The following LUC7L2 variants were observed in gnomAD, a reference collection of about 807,000 sequenced individuals.
LUC7L2 encodes LUC7 like 2, pre-mRNA splicing factor, also known as putative RNA-binding protein Luc7-like 2.
LUC7L2 carries 25 observed loss-of-function variants against 52.8 expected under a neutral mutation model. The observed-to-expected ratio is 0.47, with a 90% CI of 0.34 to 0.66. The LOEUF (loss-of-function observed/expected upper bound fraction) is 0.66. Ranked by LOEUF, LUC7L2 falls within the 30% of genes least tolerant of loss-of-function variation. The pLI, the probability that LUC7L2 is intolerant of heterozygous loss-of-function variation, is 0.01. For missense variants in LUC7L2, 328 were observed against 497.8 expected, an observed-to-expected ratio of 0.66 and a Z score of 3.25; for synonymous variants, 144 against 160.9, an observed-to-expected ratio of 0.89 and a Z score of 0.80.
At chr7:139,394,811 A>G (rs1437856517) in intron 2 of LUC7L2, among the ~76,000 whole-genome samples, 1 of 152,230 alleles carries the variant, frequency 6.6e-6, no homozygotes, top group Non-Finnish European at 1.5e-5. Context: ...AAGCAATATT[A>G]GACTAGGAAT....
At position 139,409,618 on chromosome 7, in the gene LUC7L2, AAG is replaced by A. The variant is rs368249579; in HGVS notation, c.757_758del (p.Glu253ArgfsTer34). On this transcript the variant is annotated frameshift_variant, in exon 7 of 10. Coordinates refer to ENST00000354926, the MANE Select transcript of LUC7L2 (RefSeq NM_016019.5). LOFTEE classifies it high-confidence loss of function. Reference sequence around the variant, plus strand: ...AACCAGGAACGGCTGAAACGAAGAGAAGAGAGAGAGAGAGAAGAAAGGGAGAA... The same window carrying A: ...AACCAGGAACGGCTGAAACGAAGAGAAGAGAGAGAGAGAAGAAAGGGAGAA... 13,600 of 1,389,116 alleles carry A rather than the reference AAG, an allele frequency of 9.8e-3. No homozygotes were observed. The highest frequency in any genetic ancestry group is 0.024 in the South Asian group (1,773 of 74,180). The allele number at this position is 1,389,116 out of a possible 1,614,324, so 86.0% of individuals were successfully genotyped here.
chr7:139,386,598 C>CG (rs1794206434), intron 2 of LUC7L2, among the ~76,000 whole-genome samples: 1 of 117,088 alleles, frequency 8.5e-6, no homozygotes, highest in South Asian at 2.4e-4. Context: ...TTAGTAGAGA[C>CG]GGGGTTACCG....
intron 1 of LUC7L2, among the ~76,000 whole-genome samples, chr7:139,354,815 C>T (rs889240574): frequency 6.9e-6 from 1 of 145,448 alleles, no homozygotes; most frequent in African/African-American, 2.8e-5. Context: ...AAATTCAATC[C>T]CAAAAGTGAA....
At chr7:139,407,447 T>C in intron 6 of LUC7L2, 97 bp downstream of exon 6, 2 of 1,361,970 alleles carry the variant, frequency 1.5e-6, no homozygotes, top group Non-Finnish European at 1.9e-6. Flanking sequence ...TTCAGTAATA[T>C]AGTATCTAAT....
At position 139,377,289 on chromosome 7, in the gene LUC7L2, C is replaced by T. The variant is rs544374620; in HGVS notation, c.156+1133C>T. ...GCGCAATCTCAGCTCACTGCTACCT[C>T]CACTGCCTGGCTTCAAGCGATTCTC... On this transcript the variant is annotated intron_variant, in intron 2 of 9. Coordinates refer to ENST00000354926, the MANE Select transcript of LUC7L2 (RefSeq NM_016019.5). Among the ~76,000 whole-genome samples, 4 of 152,338 alleles carry T rather than the reference C, an allele frequency of 2.6e-5. No individual in the cohort carries two copies. The South Asian group carries it at 8.3e-4, about 32-fold the overall frequency.
chr7:139,357,340 ACTC>A (rs1263379537), upstream of LUC7L2, among the ~76,000 whole-genome samples: 2 of 151,666 alleles, frequency 1.3e-5, no homozygotes, highest in African/African-American at 2.4e-5. Flanking sequence ...CACTTAATTC[ACTC>A]CTCAATTTCA....
intron 1 of LUC7L2, among the ~76,000 whole-genome samples, chr7:139,348,514 A>T (rs1799343119): frequency 6.6e-6 from 1 of 151,854 alleles, no homozygotes; most frequent in African/African-American, 2.4e-5. Context: ...AGGTCGAGAG[A>T]TTGAGACCAT....
chr7:139,392,450 C>G (rs1794483428), intron 2 of LUC7L2: 1 of 408,746 alleles, frequency 2.4e-6, no homozygotes, highest in Admixed American at 2.9e-5. Context: ...ATATAAAATG[C>G]TGTGGAGCTA....
intron 1 of LUC7L2, chr7:139,340,699 A>C (rs1798896201): frequency 2.5e-6 from 1 of 392,226 alleles, no homozygotes; most frequent in Non-Finnish European, 4.5e-6. Flanking sequence ...CGTTTGCAGA[A>C]GCCCCAGTGG....
At chr7:139,343,155 A>T (rs1229940093) in intron 1 of LUC7L2, among the ~76,000 whole-genome samples, 1 of 152,192 alleles carries the variant, frequency 6.6e-6, no homozygotes, top group African/African-American at 2.4e-5. Flanking sequence ...ATTCTATCCT[A>T]CATTAACCTA....
chr7:139,351,114 C>T (rs1195259473), intron 1 of LUC7L2, among the ~76,000 whole-genome samples: 1 of 152,204 alleles, frequency 6.6e-6, no homozygotes, highest in African/African-American at 2.4e-5. Context: ...TGATCACCTC[C>T]ACTTTCATGA....
At chr7:139,385,103 G>A (rs1794135534) in intron 2 of LUC7L2, among the ~76,000 whole-genome samples, 1 of 152,026 alleles carries the variant, frequency 6.6e-6, no homozygotes, top group South Asian at 2.1e-4. Flanking sequence ...TGTATTACTT[G>A]TATTAATAAG....
upstream of LUC7L2, among the ~76,000 whole-genome samples, chr7:139,356,714 C>A (rs900888826): frequency 6.6e-6 from 1 of 151,868 alleles, no homozygotes; most frequent in Non-Finnish European, 1.5e-5. Context: ...GGGGCAAAAG[C>A]AACCACAACA....
rs754113995 is a variant in LUC7L2 at position 139,408,949 on chromosome 7, AC to A, written c.688-612del. ...GATCACTTGAGGCCAGGAGTTGGAG[AC>A]CAGCCTGGGCAACATGGTGAAACCC... On this transcript the variant is annotated intron_variant, in intron 6 of 9. Coordinates refer to ENST00000354926, the MANE Select transcript of LUC7L2 (RefSeq NM_016019.5). Among the ~76,000 whole-genome samples the A allele has an allele frequency of 6.6e-5, 10 of 151,826 alleles. No individual in the cohort carries two copies. The East Asian group carries it at 1.2e-3, about 18-fold the overall frequency.
intron 1 of LUC7L2, among the ~76,000 whole-genome samples, chr7:139,353,243 G>A (rs1381466539): frequency 6.6e-6 from 1 of 152,064 alleles, no homozygotes; most frequent in Non-Finnish European, 1.5e-5. Flanking sequence ...ATGTACCGAT[G>A]CCCCAAGTAA....
intron 6 of LUC7L2, among the ~76,000 whole-genome samples, chr7:139,407,587 G>T (rs1466938952): frequency 1.3e-5 from 2 of 152,098 alleles, no homozygotes; most frequent in African/African-American, 4.8e-5. Flanking sequence ...ATGACACCGA[G>T]TTAGGGATCT....
upstream of LUC7L2, among the ~76,000 whole-genome samples, chr7:139,356,314 C>CAAAAAAAAAAAAAAAAAAAAAAAA (rs10524961): frequency 1.2e-5 from 1 of 82,898 alleles, no homozygotes; most frequent in Non-Finnish European, 3.3e-5. Flanking sequence ...GACCCTATCT[C>CAAAAAAAAAAAAAAAAAAAAAAAA]AAAAAAAAAA....
chr7:139,394,359 C>G (rs1156386114), intron 2 of LUC7L2, among the ~76,000 whole-genome samples: 1 of 152,196 alleles, frequency 6.6e-6, no homozygotes, highest in African/African-American at 2.4e-5. Flanking sequence ...CATGCATCTT[C>G]CCCATGGCAT....
At chr7:139,390,359 C>T (rs745456398) in intron 2 of LUC7L2, among the ~76,000 whole-genome samples, 9 of 151,144 alleles carry the variant, frequency 6.0e-5, no homozygotes, top group Admixed American at 6.6e-5. Flanking sequence ...CTCCTGGGTT[C>T]AAGTGATTTT....
Sources: gnomAD v4.1 joint callset for allele counts (sites outside exome capture counted in the v4.1 genomes callset) on GRCh38, gnomAD v4.1.1 for gene constraint, MANE v1.5 for transcripts, NCBI Gene and HGNC (gene_info 2026-07-23, HGNC 2026-07-21) for gene names.